The following RAB3GAP1 variants were observed in gnomAD, a reference collection of about 807,000 sequenced individuals.
RAB3GAP1 encodes rab3 GTPase-activating protein catalytic subunit.
In RAB3GAP1, 86 loss-of-function variants were observed where a neutral mutation model predicts 130.7. The ratio of observed to expected loss-of-function variants is 0.66; its 90% CI spans 0.55 to 0.79. RAB3GAP1 has a LOEUF of 0.79. Ranked by LOEUF, RAB3GAP1 falls within the 30% of genes least tolerant of loss-of-function variation. The probability of loss-of-function intolerance (pLI) is 0.00; values close to 1 mark genes in which losing one functional copy is unlikely to be tolerated. For missense variants in RAB3GAP1, 1,029 were observed against 1,169.4 expected (o/e 0.88, Z 1.75); for synonymous variants, 367 against 401.7 (o/e 0.91, Z 1.03).
At chr2:135,126,922 G>A (rs1691366000) in intron 11 of RAB3GAP1, among the ~76,000 whole-genome samples, 1 of 151,902 alleles carries the variant, frequency 6.6e-6, no homozygotes, top group African/African-American at 2.4e-5. Context: ...TCTCTGTCAG[G>A]CTGGAGTGCA....
At chr2:135,088,843 C>T (rs1459625450) in intron 3 of RAB3GAP1, among the ~76,000 whole-genome samples, 1 of 151,850 alleles carries the variant, frequency 6.6e-6, no homozygotes, top group African/African-American at 2.4e-5. Flanking sequence ...CAAAAATTTT[C>T]TCCCATTCTG....
intron 17 of RAB3GAP1, among the ~76,000 whole-genome samples, chr2:135,140,506 C>T (rs1251519801): frequency 6.6e-6 from 1 of 152,190 alleles, no homozygotes; most frequent in Admixed American, 6.5e-5. Context: ...ACAAGAAGAT[C>T]AGCAAAGAGA....
chr2:135,157,721 A>G (rs958760092), intron 19 of RAB3GAP1, among the ~76,000 whole-genome samples: 1 of 151,468 alleles, frequency 6.6e-6, no homozygotes, highest in African/African-American at 2.4e-5. Context: ...AATCCCAGCT[A>G]CTCAAGAGGC....
chr2:135,146,013 A>G (rs1301301237), intron 17 of RAB3GAP1, among the ~76,000 whole-genome samples: 3 of 152,160 alleles, frequency 2.0e-5, no homozygotes, highest in African/African-American at 7.2e-5. Flanking sequence ...CCATGCCTAT[A>G]TTCTTTATTT....
intron 5 of RAB3GAP1, among the ~76,000 whole-genome samples, chr2:135,101,438 A>G (rs551614605): frequency 6.6e-6 from 1 of 152,232 alleles, no homozygotes; most frequent in Non-Finnish European, 1.5e-5. Flanking sequence ...TACAATTAGT[A>G]TAGGTTGACC....
chr2:135,136,035 C>CT (rs1425827707), intron 17 of RAB3GAP1, 103 bp downstream of exon 17: 1 of 1,498,944 alleles, frequency 6.7e-7, no homozygotes, highest in East Asian at 2.3e-5. Flanking sequence ...TCCAAAAAGT[C>CT]TATGTTTAGG....
chr2:135,065,388 T>A (rs1689290186), intron 3 of RAB3GAP1, among the ~76,000 whole-genome samples: 1 of 152,164 alleles, frequency 6.6e-6, no homozygotes, highest in Non-Finnish European at 1.5e-5. Context: ...CTTCATATAC[T>A]TCAACTAGAA....
chr2:135,165,931 G>A (rs549596766), intron 23 of RAB3GAP1, among the ~76,000 whole-genome samples: 111 of 152,254 alleles, frequency 7.3e-4, no homozygotes, highest in Non-Finnish European at 1.2e-3. Context: ...TGTAACTTTG[G>A]GAGGCTGAGG....
chr2:135,084,988 G>A (rs1296801758), intron 3 of RAB3GAP1, among the ~76,000 whole-genome samples: 1 of 152,192 alleles, frequency 6.6e-6, no homozygotes, highest in Non-Finnish European at 1.5e-5. Flanking sequence ...AAAGAATGAA[G>A]TAGAGAAGAG....
chr2:135,117,861 T>C (rs1225079691), intron 7 of RAB3GAP1, among the ~76,000 whole-genome samples: 1 of 148,562 alleles, frequency 6.7e-6, no homozygotes, highest in Non-Finnish European at 1.5e-5. Context: ...CTTCTTCTTC[T>C]TTTTTTGTTT....
At chr2:135,072,524 A>ATTT (rs1689505059) in intron 3 of RAB3GAP1, among the ~76,000 whole-genome samples, 1 of 152,246 alleles carries the variant, frequency 6.6e-6, no homozygotes, top group South Asian at 2.1e-4. Context: ...GTTAGACACA[A>ATTT]CATAGGGAAC....
intron 3 of RAB3GAP1, among the ~76,000 whole-genome samples, chr2:135,068,431 G>GC (rs1689381783): frequency 1.3e-5 from 2 of 151,678 alleles, no homozygotes; most frequent in Admixed American, 1.3e-4. Flanking sequence ...GCCACTAAAG[G>GC]AAGTAGACTA....
chr2:135,132,517 A>C (rs1269387026), intron 13 of RAB3GAP1, among the ~76,000 whole-genome samples: 7 of 152,128 alleles, frequency 4.6e-5, no homozygotes, highest in African/African-American at 1.7e-4. Context: ...TGAGTACATG[A>C]GTGTTTTTAA....
downstream of RAB3GAP1, among the ~76,000 whole-genome samples, chr2:135,170,976 T>C (rs1008141448): frequency 6.6e-6 from 1 of 152,078 alleles, no homozygotes; most frequent in African/African-American, 2.4e-5. Flanking sequence ...ACTTGACAAG[T>C]CCTTGCACAT....
chr2:135,111,923 T>G (rs1171319456), intron 5 of RAB3GAP1, among the ~76,000 whole-genome samples: 1 of 152,230 alleles, frequency 6.6e-6, no homozygotes, highest in African/African-American at 2.4e-5. Context: ...CCATTAAAAA[T>G]AAACATTTAA....
intron 11 of RAB3GAP1, among the ~76,000 whole-genome samples, chr2:135,127,589 G>T (rs977764728): frequency 1.3e-5 from 2 of 151,984 alleles, no homozygotes; most frequent in African/African-American, 4.8e-5. Flanking sequence ...TGATCCGCCC[G>T]CCTCGGCCTC....
intron 8 of RAB3GAP1, among the ~76,000 whole-genome samples, chr2:135,122,713 CTTTTG>C (rs894349142): frequency 2.6e-5 from 4 of 151,818 alleles, no homozygotes; most frequent in African/African-American, 9.7e-5. Flanking sequence ...TTATTATTAT[CTTTTG>C]TTTTGTTTTG....
At chr2:135,138,309 C>G (rs6749119) in intron 17 of RAB3GAP1, among the ~76,000 whole-genome samples, 46,630 of 149,300 alleles carry the variant, frequency 0.31, 11,169 homozygotes, top group African/African-American at 0.66. Context: ...AATTAGCCGA[C>G]TGGGGTAGCG....
chr2:135,151,952 A>G (rs1692189962), intron 18 of RAB3GAP1, among the ~76,000 whole-genome samples: 1 of 152,232 alleles, frequency 6.6e-6, no homozygotes, highest in Non-Finnish European at 1.5e-5. Context: ...TAGTTCCTCT[A>G]ACACTGCACT....
Sources: allele counts gnomAD v4.1 joint callset (sites outside exome capture counted in the v4.1 genomes callset), GRCh38; gene constraint gnomAD v4.1.1; transcripts MANE v1.5; gene names NCBI Gene and HGNC (gene_info 2026-07-23, HGNC 2026-07-21).